Variants in PCLO observed in about 807,000 individuals in gnomAD.
The protein encoded by PCLO is protein piccolo.
PCLO carries 82 observed loss-of-function variants against 427.5 expected under a neutral mutation model. The ratio of observed to expected loss-of-function variants is 0.19; its 90% CI spans 0.16 to 0.23. The LOEUF is 0.23. PCLO is among the 10% of genes least tolerant of loss of function. The probability of loss-of-function intolerance (pLI) is 1.00; values close to 1 mark genes in which losing one functional copy is unlikely to be tolerated. For missense variants in PCLO, 6,239 were observed against 6,115.9 expected, an observed-to-expected ratio of 1.02 and a Z score of -0.67; for synonymous variants, 2,357 against 2,155.4, an observed-to-expected ratio of 1.09 and a Z score of -2.59.
chr7:82,974,262 T>C (rs1279590343), intron 3 of PCLO, among the ~76,000 whole-genome samples: 1 of 152,158 alleles, frequency 6.6e-6, no homozygotes, highest in African/African-American at 2.4e-5. Flanking sequence ...GATGGGCACC[T>C]GTAATCTCAG....
At position 83,138,431 on chromosome 7, in the gene PCLO, T is replaced by C. The variant is rs1002937299; in HGVS notation, c.1894-2775A>G. Among the ~76,000 whole-genome samples the C allele has an allele frequency of 3.9e-5, 6 of 152,230 alleles. No homozygotes were observed. The East Asian group carries it at 1.2e-3, about 29-fold the overall frequency. On this transcript the variant is annotated intron_variant, in intron 2 of 24. Coordinates refer to ENST00000333891, the MANE Select transcript of PCLO (RefSeq NM_033026.6). ...ATCCCAGCACTTTGGAAGGCCAACA[T>C]GGGCAGATCTCCTGAGGTCAGGAGT...
Position 82,801,566 on chromosome 7 carries a change from C to G in PCLO, c.14959G>C (p.Glu4987Gln). 1 of 1,592,284 alleles carries G rather than the reference C, an allele frequency of 6.3e-7. No individual in the cohort carries two copies. The highest frequency in any genetic ancestry group is 8.6e-7 in the Non-Finnish European group (1 of 1,160,516). ...CCTACCCCTGGCTGTTTTACAGGCTCTTGTCCATTCTGTCCCATCTTCCCT... is the reference window on the plus strand; with the variant it reads ...CCTACCCCTGGCTGTTTTACAGGCTGTTGTCCATTCTGTCCCATCTTCCCT... ...RIGKMGQNGQ[E>Q]PVKQPGVGVG... Residue 4987 changes from glutamate (E) to glutamine (Q), a missense_variant, in exon 22 of 25, where the codon GAG (glutamate) becomes CAG (glutamine). Physicochemically the swap from Glu to Gln is conservative, Grantham distance 29 (BLOSUM62 2). Coordinates refer to ENST00000333891, the MANE Select transcript of PCLO (RefSeq NM_033026.6).
intron 3 of PCLO, among the ~76,000 whole-genome samples, chr7:83,114,576 T>C (rs1791086304): frequency 6.6e-6 from 1 of 152,024 alleles, no homozygotes; most frequent in Admixed American, 6.6e-5. Context: ...TTTTGCAAAG[T>C]TTTTTGACCA....
chr7:82,781,382 G>A (rs915345168), intron 22 of PCLO, among the ~76,000 whole-genome samples: 4 of 151,490 alleles, frequency 2.6e-5, no homozygotes, highest in African/African-American at 4.9e-5. Context: ...GGTTTGTTCC[G>A]TAGGTATACG....
chr7:82,827,659 G>A (rs1300643654), intron 17 of PCLO, among the ~76,000 whole-genome samples: 1 of 151,922 alleles, frequency 6.6e-6, no homozygotes, highest in Non-Finnish European at 1.5e-5. Flanking sequence ...ATTTGTTTAT[G>A]TTTTGGCTGC....
intron 14 of PCLO, 28 bp from the exon 15 acceptor site, chr7:82,838,370 A>G: frequency 7.6e-7 from 1 of 1,319,082 alleles, no homozygotes; most frequent in Non-Finnish European, 1.0e-6. Context: ...ATATTCCATA[A>G]GTTTTTAAAA....
chr7:82,998,566 T>C (rs1019956838), intron 3 of PCLO, among the ~76,000 whole-genome samples: 1 of 151,860 alleles, frequency 6.6e-6, no homozygotes, highest in African/African-American at 2.4e-5. Context: ...CAGGCCTCTC[T>C]AGATATCCTG....
chr7:83,071,486 C>T (rs1297674405), intron 3 of PCLO, among the ~76,000 whole-genome samples: 1 of 152,182 alleles, frequency 6.6e-6, no homozygotes. Flanking sequence ...AAGTGGCTCA[C>T]TCTTCAAGTA....
At chr7:82,983,258 T>C (rs1796187556) in intron 3 of PCLO, among the ~76,000 whole-genome samples, 1 of 151,252 alleles carries the variant, frequency 6.6e-6, no homozygotes, top group African/African-American at 2.4e-5. Context: ...ATCCTAAAAC[T>C]ATTTTTTAAT....
chr7:82,943,573 C>T (rs1795132750), intron 6 of PCLO, among the ~76,000 whole-genome samples: 1 of 152,084 alleles, frequency 6.6e-6, no homozygotes, highest in South Asian at 2.1e-4. Flanking sequence ...CATTGCTATG[C>T]AATAGATAAT....
intron 3 of PCLO, among the ~76,000 whole-genome samples, chr7:83,024,222 C>G (rs1034015576): frequency 6.6e-6 from 1 of 152,172 alleles, no homozygotes; most frequent in Non-Finnish European, 1.5e-5. Flanking sequence ...GAGTGCCAGA[C>G]AGTGGGCTCA....
Position 82,755,227 on chromosome 7 carries a change from C to T in PCLO, c.*3348G>A, listed in dbSNP as rs1362754315. On this transcript the variant is annotated 3_prime_UTR_variant, in exon 25 of 25. Coordinates refer to ENST00000333891, the MANE Select transcript of PCLO (RefSeq NM_033026.6). ...TGTGTGATCCACAAAATTAATTCCA[C>T]TGGTATGCTGAAAATATGCGTTTAA... is the stretch of plus-strand genomic sequence containing the variant. 6.6e-6 allele frequency: 1 copy of T among 151,998 alleles called. No homozygotes were observed. Among genetic ancestry groups the T allele is most frequent in the East Asian group, 1.9e-4 (1 of 5,182 alleles). 9.4% of individuals were successfully genotyped at this position (151,998 alleles called of 1,614,324 possible).
chr7:83,057,348 A>ATATATATATATATATATATATC (rs1392338061), intron 3 of PCLO, among the ~76,000 whole-genome samples: 1 of 19,634 alleles, frequency 5.1e-5, no homozygotes. Context: ...ATATATATAT[A>ATATATATATATATATATATATC]TTTTTTTTTT....
intron 3 of PCLO, among the ~76,000 whole-genome samples, chr7:83,058,258 T>A (rs1376132360): frequency 1.3e-5 from 2 of 152,156 alleles, no homozygotes; most frequent in Admixed American, 6.5e-5. Context: ...CATTTAATAG[T>A]GAATTGAGAA....
In PCLO at chr7:82,954,919, T is replaced by C; in HGVS notation, c.6034A>G (p.Lys2012Glu). The C allele has an allele frequency of 6.2e-7, 1 of 1,613,658 alleles. No individual in the cohort carries two copies. The highest frequency in any genetic ancestry group is 1.1e-5 in the South Asian group (1 of 91,020). The stretch of plus-strand genomic sequence containing the variant: ...AAGCTTTCTAACTCATAAAACTCTT[T>C]CTGGAGGTCTGTAATTTTCTGCATA... The part of the protein sequence containing the change: ...DPMQKITDLQ[K>E]EFYELESLHS... The change falls in exon 5 of 25, where the codon AAA (lysine) becomes GAA (glutamate). Residue 2012 changes from lysine (K) to glutamate (E), a missense_variant. Lys to Glu is a moderately conservative substitution (Grantham distance 56, BLOSUM62 1). This residue lies in a region of PCLO where 4,677 missense variants were observed against 4,468.4 expected (regional missense o/e 1.05). Coordinates refer to ENST00000333891, the MANE Select transcript of PCLO (RefSeq NM_033026.6).
intron 22 of PCLO, among the ~76,000 whole-genome samples, chr7:82,800,664 G>A (rs147209218): frequency 0.01 from 1,581 of 151,896 alleles, 14 homozygotes; most frequent in Non-Finnish European, 0.017. Context: ...GGCGAGATCT[G>A]GGCTTACTGC....
At chr7:83,039,525 A>G (rs1788919076) in intron 3 of PCLO, among the ~76,000 whole-genome samples, 2 of 152,132 alleles carry the variant, frequency 1.3e-5, no homozygotes, top group African/African-American at 4.8e-5. Flanking sequence ...CCATAGGTAC[A>G]TGGGTTTATA....
chr7:82,988,928 G>A (rs956661132), intron 3 of PCLO, among the ~76,000 whole-genome samples: 45 of 151,676 alleles, frequency 3.0e-4, no homozygotes, highest in African/African-American at 9.2e-4. Context: ...TCTGCCTCCC[G>A]GGTTCAAGCG....
At chr7:83,027,514 T>C (rs1788534692) in intron 3 of PCLO, among the ~76,000 whole-genome samples, 1 of 151,978 alleles carries the variant, frequency 6.6e-6, no homozygotes, top group African/African-American at 2.4e-5. Flanking sequence ...CACAGCCAAA[T>C]TCTACCAGAG....
Sources: gnomAD v4.1 joint callset for allele counts (sites outside exome capture counted in the v4.1 genomes callset) on GRCh38, gnomAD v4.1.1 for gene constraint, gnomAD v4.1.1 regional missense constraint, MANE v1.5 for transcripts, NCBI Gene and HGNC (gene_info 2026-07-23, HGNC 2026-07-21) for gene names.